ASH1L: variants seen among roughly 807,000 people sequenced by gnomAD.
ASH1L encodes ASH1 like histone lysine methyltransferase, also known as histone-lysine N-methyltransferase ASH1L.
In ASH1L, 23 loss-of-function variants were observed where a neutral mutation model predicts 269.0. That is an observed-to-expected ratio of 0.09 (90% CI 0.06 to 0.12). ASH1L has a LOEUF of 0.12. Among genes scored for constraint, ASH1L ranks in the 10% least tolerant of loss-of-function variants. ASH1L has a pLI of 1.00. For synonymous variants in ASH1L, 1,187 were observed against 1,253.5 expected (o/e 0.95, Z 1.12); for missense variants, 2,912 against 3,567.8 (o/e 0.82, Z 4.68).
chr1:155,470,552 C>CT (rs112676810), intron 3 of ASH1L, among the ~76,000 whole-genome samples: 121,761 of 137,454 alleles, frequency 0.89, 54,632 homozygotes, highest in East Asian at 0.99. Flanking sequence ...CAGAAATTAC[C>CT]TTTTTTTTTT....
At chr1:155,539,316 C>T (rs10752611) in intron 1 of ASH1L, among the ~76,000 whole-genome samples, 39,108 of 151,588 alleles carry the variant, frequency 0.26, 5,846 homozygotes, top group East Asian at 0.72. Flanking sequence ...CTCTCCAATT[C>T]TCCCACTGAC....
At chr1:155,428,667 A>G (rs1661364063) in intron 5 of ASH1L, among the ~76,000 whole-genome samples, 1 of 152,192 alleles carries the variant, frequency 6.6e-6, no homozygotes, top group African/African-American at 2.4e-5. Flanking sequence ...ACCACAAACA[A>G]TAGCATGAGC....
intron 7 of ASH1L, among the ~76,000 whole-genome samples, chr1:155,391,071 G>A (rs1367628700): frequency 6.6e-6 from 1 of 151,850 alleles, no homozygotes; most frequent in Non-Finnish European, 1.5e-5. Context: ...TCAGCCTCCT[G>A]AGTAGCTGGG....
At chr1:155,557,513 C>T (rs1671683222) in intron 1 of ASH1L, among the ~76,000 whole-genome samples, 1 of 151,938 alleles carries the variant, frequency 6.6e-6, no homozygotes, top group African/African-American at 2.4e-5. Flanking sequence ...TTCTCCTGAC[C>T]TTGTGATCCG....
At chr1:155,397,286 C>T (rs1658439179) in intron 6 of ASH1L, among the ~76,000 whole-genome samples, 1 of 151,992 alleles carries the variant, frequency 6.6e-6, no homozygotes, top group Admixed American at 6.6e-5. Flanking sequence ...CACCTGAGGT[C>T]AGGAGTTCAA....
chr1:155,478,054 G>A lies in ASH1L; in HGVS notation c.4816C>T (p.Leu1606Phe), dbSNP rs756795480. Residue 1606 changes from leucine (L) to phenylalanine (F), a missense_variant, in exon 3 of 28, where the codon CTT (leucine) becomes TTT (phenylalanine). By Grantham distance (22) the Leu-to-Phe change is conservative. This residue lies in a region of ASH1L where 789 missense variants were observed against 897.6 expected (regional missense o/e 0.88). Transcript: ENST00000392403. This position sits in a 1 kb window ranked among gnomAD's most constrained non-coding sequence, Gnocchi z 4.6. ...EPASSDEHTN[L>F]FTSAIGSCRV... ...CAGCTGCCTATTGCACTTGTGAAAA[G>A]GTTTGTATGTTCATCACTGCTGGCT... 1 of 1,614,210 alleles carries A rather than the reference G, an allele frequency of 6.2e-7. No individual in the cohort carries two copies. Among genetic ancestry groups the A allele is most frequent in the South Asian group, 1.1e-5 (1 of 91,086 alleles).
At chr1:155,450,757 T>C (rs924414714) in intron 4 of ASH1L, among the ~76,000 whole-genome samples, 1 of 152,192 alleles carries the variant, frequency 6.6e-6, no homozygotes, top group Non-Finnish European at 1.5e-5. Context: ...CCATTGCTCA[T>C]AGCAGTATTA....
At position 155,448,271 on chromosome 1, in the gene ASH1L, G is replaced by C. The variant is rs1340085636; in HGVS notation, c.5087-9203C>G. ...TAGCTCTGTAGCATAACTGAAGTCA[G>C]GTAAAGTTATTTCTCCCTTTCAGCT... On this transcript the variant is annotated intron_variant, in intron 4 of 27. Coordinates refer to ENST00000392403, the MANE Select transcript of ASH1L (RefSeq NM_018489.3). 2.6e-5 allele frequency among the ~76,000 whole-genome samples: 4 copies of C among 152,170 alleles called. No individual in the cohort carries two copies. In the South Asian group the frequency reaches 8.3e-4, roughly 31 times the overall value.
intron 7 of ASH1L, among the ~76,000 whole-genome samples, chr1:155,390,640 C>T (rs979606862): frequency 1.7e-4 from 23 of 136,580 alleles, no homozygotes; most frequent in Non-Finnish European, 3.0e-4. Context: ...TCTCCCCCCC[C>T]CCCCTTTTTT....
rs1371828193 is a variant in ASH1L at position 155,341,798 on chromosome 1, T to C, written c.8460+138A>G. 9 of 865,630 alleles carry C rather than the reference T, an allele frequency of 1.0e-5. No homozygotes were observed. The African/African-American group carries it at 1.2e-4, about 11-fold the overall frequency. 53.6% of individuals were successfully genotyped at this position (865,630 alleles called of 1,614,324 possible). A position where few individuals can be genotyped will look rare whatever the true frequency, so the allele number is the denominator to read the frequency against. Reference sequence around the variant, plus strand: ...ACTTATGCTGTTCAAATGTCCCAAATAGAGACAGAGATATCCATAGTTTGG... The same window carrying C: ...ACTTATGCTGTTCAAATGTCCCAAACAGAGACAGAGATATCCATAGTTTGG... On this transcript the variant is annotated intron_variant, in intron 25 of 27. Coordinates refer to ENST00000392403, the MANE Select transcript of ASH1L (RefSeq NM_018489.3).
intron 1 of ASH1L, among the ~76,000 whole-genome samples, chr1:155,536,357 T>A (rs985100167): frequency 9.2e-5 from 14 of 152,148 alleles, no homozygotes; most frequent in African/African-American, 3.4e-4. Context: ...GCCATCAAAA[T>A]GGTTTTAAGA....
chr1:155,562,415 T>TGGCGGCGGGAGCGGC lies in ASH1L; in HGVS notation c.-377_-363dup, dbSNP rs1315522627. 13 of 1,487,412 alleles carry TGGCGGCGGGAGCGGC rather than the reference T, an allele frequency of 8.7e-6. No individual in the cohort carries two copies. Among genetic ancestry groups the TGGCGGCGGGAGCGGC allele is most frequent in the Middle Eastern group, 1.7e-4 (1 of 5,902 alleles). 92.1% of individuals were successfully genotyped at this position (1,487,412 alleles called of 1,614,324 possible). On this transcript the variant is annotated 5_prime_UTR_variant, in exon 1 of 28. Transcript: ENST00000392403. ...TCCCCTCCGCAAAGCGAACCCAAAA[T>TGGCGGCGGGAGCGGC]GGCGGCGGGAGCGGCGGCGGCGGCG...
intron 1 of ASH1L, among the ~76,000 whole-genome samples, chr1:155,527,023 G>A (rs1225829740): frequency 6.6e-6 from 1 of 152,086 alleles, no homozygotes; most frequent in Non-Finnish European, 1.5e-5. Context: ...CTTGGCCAAC[G>A]TGGTGAAACC....
intron 2 of ASH1L, among the ~76,000 whole-genome samples, chr1:155,497,884 G>C (rs1667259742): frequency 6.6e-6 from 1 of 151,988 alleles, no homozygotes; most frequent in Non-Finnish European, 1.5e-5. Flanking sequence ...TGAGTAGCTG[G>C]GACTACAGGC....
At chr1:155,456,386 T>C (rs1462148243) in intron 4 of ASH1L, among the ~76,000 whole-genome samples, 1 of 152,264 alleles carries the variant, frequency 6.6e-6, no homozygotes, top group African/African-American at 2.4e-5. Flanking sequence ...CATTTGACAC[T>C]TTCTGATCGA....
At chr1:155,379,099 G>GA (rs76953406) in intron 8 of ASH1L, among the ~76,000 whole-genome samples, 40 of 135,738 alleles carry the variant, frequency 2.9e-4, no homozygotes, top group Middle Eastern at 3.8e-3. Flanking sequence ...ATATTAGAAA[G>GA]AAAAAAAAAA....
At chr1:155,532,972 G>GAA (rs1669791889) in intron 1 of ASH1L, among the ~76,000 whole-genome samples, 1 of 147,902 alleles carries the variant, frequency 6.8e-6, no homozygotes, top group Non-Finnish European at 1.5e-5. Context: ...GGGGGAGAGA[G>GAA]AGAGAGAGAG....
chr1:155,416,634 G>A (rs1660232560), intron 5 of ASH1L, among the ~76,000 whole-genome samples: 1 of 150,456 alleles, frequency 6.6e-6, no homozygotes, highest in South Asian at 2.1e-4. Context: ...TTCCTGGGTT[G>A]AAGCGATTCT....
At chr1:155,444,525 T>C in intron 4 of ASH1L, among the ~76,000 whole-genome samples, 1 of 152,248 alleles carries the variant, frequency 6.6e-6, no homozygotes, top group Non-Finnish European at 1.5e-5. Context: ...ATGCATTCTT[T>C]TGAGAAAATT....
Sources: allele counts gnomAD v4.1 joint callset (sites outside exome capture counted in the v4.1 genomes callset), GRCh38; gene constraint gnomAD v4.1.1; regional missense constraint gnomAD v4.1.1; non-coding constraint Gnocchi (gnomAD v3.1); transcripts MANE v1.5; gene names NCBI Gene and HGNC (gene_info 2026-07-23, HGNC 2026-07-21).